MED12L: variants seen among roughly 807,000 people sequenced by gnomAD.
The protein encoded by MED12L is mediator of RNA polymerase II transcription subunit 12-like protein.
In MED12L, 60 loss-of-function variants were observed where a neutral mutation model predicts 281.3. The observed-to-expected ratio is 0.21, with a 90% CI of 0.17 to 0.26. MED12L has a LOEUF of 0.26. Ranked by LOEUF, MED12L falls within the 10% of genes least tolerant of loss-of-function variation. MED12L has a pLI of 1.00. For synonymous variants in MED12L, 974 were observed against 987.2 expected (o/e 0.99, Z 0.25); for missense variants, 2,146 against 2,680.9 (o/e 0.80, Z 4.41).
intron 23 of MED12L, among the ~76,000 whole-genome samples, chr3:151,366,331 T>C (rs1255784971): frequency 6.6e-6 from 1 of 152,194 alleles, no homozygotes; most frequent in East Asian, 1.9e-4. Context: ...CCTCACAGCA[T>C]GGGACATAAT....
chr3:151,368,854 C>T (rs780459570), intron 25 of MED12L, among the ~76,000 whole-genome samples: 1 of 146,928 alleles, frequency 6.8e-6, no homozygotes, highest in Non-Finnish European at 1.5e-5. Flanking sequence ...CTCTGCCTCC[C>T]GGGCTTAGGC....
intron 16 of MED12L, chr3:151,249,059 A>G (rs1012134447): frequency 6.6e-6 from 1 of 152,214 alleles, no homozygotes; most frequent in Non-Finnish European, 1.5e-5. Flanking sequence ...AAATGCTTGA[A>G]TGTCAGGTAC....
chr3:151,341,637 T>G (rs1341528093), intron 16 of MED12L, among the ~76,000 whole-genome samples: 1 of 151,972 alleles, frequency 6.6e-6, no homozygotes, highest in Non-Finnish European at 1.5e-5. Flanking sequence ...GCAGGTTAGT[T>G]ACATATGTAT....
intron 12 of MED12L, among the ~76,000 whole-genome samples, chr3:151,186,792 A>G (rs993545221): frequency 6.6e-6 from 1 of 152,118 alleles, no homozygotes; most frequent in African/African-American, 2.4e-5. Context: ...ACATTTATCT[A>G]GTTAATCTGC....
intron 43 of MED12L, among the ~76,000 whole-genome samples, chr3:151,426,550 A>G (rs1213996849): frequency 6.6e-6 from 1 of 152,174 alleles, no homozygotes; most frequent in African/African-American, 2.4e-5. Context: ...CTGTAAGAAG[A>G]TTGTAGATAT....
At chr3:151,121,830 C>T (rs546725808) in intron 3 of MED12L, among the ~76,000 whole-genome samples, 2 of 152,018 alleles carry the variant, frequency 1.3e-5, no homozygotes, top group African/African-American at 2.4e-5. Flanking sequence ...ATTCTCATGC[C>T]TCAGCCTCCC....
chr3:151,269,695 T>G, intron 16 of MED12L: 1 of 418,340 alleles, frequency 2.4e-6, no homozygotes. Context: ...GAAAGATTTT[T>G]ATTTTGATGA....
intron 16 of MED12L, among the ~76,000 whole-genome samples, chr3:151,250,471 T>C (rs1736630541): frequency 6.6e-6 from 1 of 152,174 alleles, no homozygotes; most frequent in Non-Finnish European, 1.5e-5. Flanking sequence ...TAACTACTGT[T>C]CTTCTCTACG....
intron 16 of MED12L, among the ~76,000 whole-genome samples, chr3:151,203,411 CT>C (rs35357625): frequency 0.062 from 8,694 of 139,112 alleles, 723 homozygotes; most frequent in African/African-American, 0.19. Flanking sequence ...AGTACCTAGC[CT>C]TTTTTTTTTT....
intron 16 of MED12L, among the ~76,000 whole-genome samples, chr3:151,274,052 A>G (rs1741451426): frequency 1.3e-5 from 2 of 151,634 alleles, no homozygotes; most frequent in South Asian, 2.1e-4. Flanking sequence ...GAGAAACTGG[A>G]TTTGACTGGC....
At chr3:151,297,931 G>T (rs1221258778) in intron 16 of MED12L, among the ~76,000 whole-genome samples, 1 of 151,842 alleles carries the variant, frequency 6.6e-6, no homozygotes, top group Admixed American at 6.6e-5. Flanking sequence ...TCACATTTAG[G>T]CAGCAAAGCT....
chr3:151,355,573 G>A (rs1210315321), intron 18 of MED12L, among the ~76,000 whole-genome samples: 3 of 152,248 alleles, frequency 2.0e-5, no homozygotes, highest in Non-Finnish European at 4.4e-5. Context: ...ACGACATTGA[G>A]AAGAAAACAC....
At chr3:151,382,209 A>C (rs1285655646) in intron 32 of MED12L, among the ~76,000 whole-genome samples, 3 of 152,230 alleles carry the variant, frequency 2.0e-5, no homozygotes, top group Non-Finnish European at 4.4e-5. Flanking sequence ...AGACACATAC[A>C]TAAGATAGCA....
chr3:151,216,625 A>G (rs1728283732), intron 16 of MED12L, among the ~76,000 whole-genome samples: 1 of 152,102 alleles, frequency 6.6e-6, no homozygotes, highest in Admixed American at 6.5e-5. Flanking sequence ...GAGTACCCCA[A>G]ATCACTTCCT....
At chr3:151,342,139 T>C (rs936843853) in intron 16 of MED12L, among the ~76,000 whole-genome samples, 1 of 152,234 alleles carries the variant, frequency 6.6e-6, no homozygotes, top group Non-Finnish European at 1.5e-5. Flanking sequence ...TCTAGATCAC[T>C]GAGGAATCAC....
intron 16 of MED12L, among the ~76,000 whole-genome samples, chr3:151,304,573 A>T (rs963500782): frequency 6.9e-6 from 1 of 144,446 alleles, no homozygotes; most frequent in Non-Finnish European, 1.5e-5. Context: ...GTCTCAAAAA[A>T]AAATTTTTTT....
chr3:151,192,702 C>G, intron 15 of MED12L, 48 bp downstream of exon 15: 6 of 1,128,690 alleles, frequency 5.3e-6, no homozygotes, highest in Non-Finnish European at 7.7e-6. Context: ...TTAACCCGTT[C>G]CCATCCCAGC....
intron 16 of MED12L, among the ~76,000 whole-genome samples, chr3:151,237,753 T>C (rs1015675274): frequency 6.6e-6 from 1 of 152,224 alleles, no homozygotes; most frequent in Non-Finnish European, 1.5e-5. Flanking sequence ...TCTTTTCAGA[T>C]TAAAAATTTT....
chr3:151,280,900 C>T, intron 16 of MED12L, among the ~76,000 whole-genome samples: 1 of 151,890 alleles, frequency 6.6e-6, no homozygotes, highest in South Asian at 2.1e-4. Context: ...GAAAATTTAA[C>T]AGTTGTCTAA....
Sources: allele counts gnomAD v4.1 joint callset (sites outside exome capture counted in the v4.1 genomes callset), GRCh38; gene constraint gnomAD v4.1.1; transcripts MANE v1.5; gene names NCBI Gene and HGNC (gene_info 2026-07-23, HGNC 2026-07-21).